OLFML2B: variants seen among roughly 807,000 people sequenced by gnomAD.
OLFML2B encodes olfactomedin like 2B, also known as olfactomedin-like protein 2B.
OLFML2B carries 57 observed loss-of-function variants against 74.9 expected under a neutral mutation model. The ratio of observed to expected loss-of-function variants is 0.76; its 90% confidence interval spans 0.61 to 0.95. OLFML2B has a LOEUF of 0.95. Ranked by LOEUF, OLFML2B falls within the 40% of genes least tolerant of loss-of-function variation. The pLI is 0.00. For synonymous variants in OLFML2B, 388 were observed against 405.8 expected, an observed-to-expected ratio of 0.96 and a Z score of 0.53; for missense variants, 986 against 970.6, an observed-to-expected ratio of 1.02 and a Z score of -0.21.
At chr1:162,006,611 G>C in intron 3 of OLFML2B, 138 bp from the exon 4 acceptor site, 1 of 688,946 alleles carries the variant, frequency 1.5e-6, no homozygotes, top group Non-Finnish European at 2.4e-6. Context: ...TGGGGCTAGA[G>C]AGTGTGCCCA....
intron 6 of OLFML2B, among the ~76,000 whole-genome samples, chr1:161,991,707 G>A (rs1445636974): frequency 6.6e-6 from 1 of 152,234 alleles, no homozygotes; most frequent in Non-Finnish European, 1.5e-5. Flanking sequence ...CTGCATTCCA[G>A]CCTTGGTGAC....
chr1:161,999,476 G>A (rs1227327340), intron 5 of OLFML2B, among the ~76,000 whole-genome samples: 3 of 152,198 alleles, frequency 2.0e-5, no homozygotes, highest in Admixed American at 1.3e-4. Flanking sequence ...GAGACAGACA[G>A]GAAGCTGCTG....
At chr1:162,022,260 T>TTTTTTTC (rs1553251582) in intron 1 of OLFML2B, among the ~76,000 whole-genome samples, 17 of 127,890 alleles carry the variant, frequency 1.3e-4, no homozygotes, top group African/African-American at 4.8e-4. Flanking sequence ...TTTTTTTTTT[T>TTTTTTTC]TTTTTTTTGA....
Position 162,006,468 on chromosome 1 carries a change from C to T in OLFML2B, c.552G>A (p.Val184=), listed in dbSNP as rs148759747. The T allele has an allele frequency of 3.1e-5, 47 of 1,520,558 alleles. No individual in the cohort carries two copies. In the African/African-American group the frequency reaches 4.0e-4, roughly 13 times the overall value. The allele number at this position is 1,520,558 out of a possible 1,614,324, so 94.2% of individuals were successfully genotyped here. The change falls in exon 4 of 8, where the codon GTG becomes GTA. Residue 184 remains valine (V), a synonymous_variant. Transcript: ENST00000294794. The part of the protein sequence containing the change: ...VGRVDKLEEE[V]SKNLTKENEQ... Reference sequence around the variant, plus strand: ...CATTTTCCTTGGTGAGGTTTTTAGACACTTCCTGAGAAGGAAAAAAAAAAG... The same window carrying T: ...CATTTTCCTTGGTGAGGTTTTTAGATACTTCCTGAGAAGGAAAAAAAAAAG...
intron 3 of OLFML2B, among the ~76,000 whole-genome samples, chr1:162,015,309 C>T (rs906727033): frequency 1.2e-4 from 19 of 152,176 alleles, no homozygotes; most frequent in African/African-American, 4.3e-4. Flanking sequence ...ATACTCCCTC[C>T]TGAGCAGGGA....
In OLFML2B at chr1:161,998,195, G is replaced by T. The variant is rs747898670; in HGVS notation, c.1104C>A (p.Thr368=). ...GTGGCAGTGCTGAGGACCAGGGTGC[G>T]GTCCGAGCGTTCAGGTCGCTTGTCA... ...TAVTSDLNAR[T]APWSSALPQP... The change falls in exon 6 of 8, where the codon ACC becomes ACA. Residue 368 remains threonine, a synonymous_variant. Transcript: ENST00000294794. 1.9e-6 allele frequency: 3 copies of T among 1,614,024 alleles called. No homozygotes were observed. The highest frequency in any genetic ancestry group is 1.7e-6 in the Non-Finnish European group (2 of 1,180,030).
Position 162,011,454 on chromosome 1 carries a change from C to G in OLFML2B, c.547-4981G>C, listed in dbSNP as rs1436568191. On this transcript the variant is annotated intron_variant, in intron 3 of 7. Transcript: ENST00000294794. Reference sequence around the variant, plus strand: ...ACCAGATGGCCTGGGACAGCAACCCCAGCTGACAGCTGTCTCCTAGCCCCT... The same window carrying G: ...ACCAGATGGCCTGGGACAGCAACCCGAGCTGACAGCTGTCTCCTAGCCCCT... Among the ~76,000 whole-genome samples the G allele has an allele frequency of 2.0e-5, 3 of 152,200 alleles. No homozygotes were observed. In the East Asian group the frequency reaches 5.8e-4, roughly 29 times the overall value.
In OLFML2B at chr1:162,019,994, G is replaced by C. The variant is rs750922795; in HGVS notation, c.363C>G (p.Pro121=). ...GSSCKCACVA[P]PSALNPCEGD... Reference sequence around the variant, plus strand: ...CCTCGCAGGGATTGAGGGCCGATGGGGGTGCTACACAGGCACACTTGCACG... The same window carrying C: ...CCTCGCAGGGATTGAGGGCCGATGGCGGTGCTACACAGGCACACTTGCACG... The change falls in exon 2 of 8, where the codon CCC becomes CCG. Residue 121 remains proline, a synonymous_variant. Transcript: ENST00000294794. 3 of 1,614,154 alleles carry C rather than the reference G, an allele frequency of 1.9e-6. No homozygotes were observed. Among genetic ancestry groups the C allele is most frequent in the East Asian group, 2.2e-5 (1 of 44,880 alleles).
chr1:161,985,895 C>T (rs1266822743), intron 6 of OLFML2B, among the ~76,000 whole-genome samples: 1 of 152,130 alleles, frequency 6.6e-6, no homozygotes, highest in Non-Finnish European at 1.5e-5. Context: ...GATCCGGTGC[C>T]CAGGAGAGGC....
chr1:162,004,629 C>A, intron 4 of OLFML2B, among the ~76,000 whole-genome samples: 1 of 152,158 alleles, frequency 6.6e-6, no homozygotes, highest in South Asian at 2.1e-4. Flanking sequence ...GCCTGCCTGG[C>A]ACCCTTTGAT....
intron 1 of OLFML2B, among the ~76,000 whole-genome samples, chr1:162,022,244 CTTTTTTT>C (rs56395023): frequency 1.4e-5 from 1 of 70,774 alleles, no homozygotes; most frequent in African/African-American, 5.9e-5. Context: ...TGTATCTCTT[CTTTTTTT>C]TTTTTTTTTT....
At chr1:162,010,846 G>T (rs1030918568) in intron 3 of OLFML2B, among the ~76,000 whole-genome samples, 3 of 152,052 alleles carry the variant, frequency 2.0e-5, no homozygotes, top group African/African-American at 7.2e-5. Flanking sequence ...ACCTCTCTAG[G>T]CCCCAGGCAG....
chr1:162,000,512 A>G (rs1013474245), intron 4 of OLFML2B, among the ~76,000 whole-genome samples, 174 bp from the exon 5 acceptor site: 6 of 152,180 alleles, frequency 3.9e-5, no homozygotes, highest in African/African-American at 1.2e-4. Flanking sequence ...TAATCTTCTC[A>G]TCAGTTCTAT....
chr1:161,997,945 C>A lies in OLFML2B; in HGVS notation c.1354G>T (p.Val452Leu). ...ALMEAMHTVPVPPTTVRTDSL... is the reference protein window; with the variant it reads ...ALMEAMHTVPLPPTTVRTDSL... Reference sequence around the variant, plus strand: ...TCTGTTCTGACTGTGGTGGGAGGCACTGGGACTGTGTGCATAGCTTCCATC... The same window carrying A: ...TCTGTTCTGACTGTGGTGGGAGGCAATGGGACTGTGTGCATAGCTTCCATC... Residue 452 changes from valine (V) to leucine (L), a missense_variant, in exon 6 of 8, where the codon GTG becomes TTG. Coordinates refer to ENST00000294794, the MANE Select transcript of OLFML2B (RefSeq NM_015441.3). The A allele has an allele frequency of 6.2e-7, 1 of 1,614,222 alleles. No homozygotes were observed. The highest frequency in any genetic ancestry group is 8.5e-7 in the Non-Finnish European group (1 of 1,180,042).
intron 4 of OLFML2B, 126 bp downstream of exon 4, chr1:162,006,171 T>A: frequency 1.2e-6 from 1 of 831,462 alleles, no homozygotes; most frequent in Non-Finnish European, 1.8e-6. Context: ...GCAGAACAAT[T>A]GTATGGATGA....
At chr1:161,987,676 A>G (rs1221035659) in intron 6 of OLFML2B, among the ~76,000 whole-genome samples, 6 of 152,204 alleles carry the variant, frequency 3.9e-5, no homozygotes, top group Non-Finnish European at 8.8e-5. Flanking sequence ...TTCTGTTTTT[A>G]GCAACTAAGC....
intron 1 of OLFML2B, among the ~76,000 whole-genome samples, chr1:162,020,523 T>C (rs1690674045): frequency 6.6e-6 from 1 of 151,396 alleles, no homozygotes; most frequent in Non-Finnish European, 1.5e-5. Flanking sequence ...CTTTTCTTTC[T>C]TTCTTTTTCT....
intron 1 of OLFML2B, among the ~76,000 whole-genome samples, chr1:162,022,751 T>C (rs752394480): frequency 3.3e-5 from 5 of 152,074 alleles, no homozygotes; most frequent in Non-Finnish European, 5.9e-5. Context: ...GTACACTCCG[T>C]CATGTTCTCA....
intron 2 of OLFML2B, 70 bp from the exon 3 acceptor site, chr1:162,017,577 T>G: frequency 4.4e-6 from 5 of 1,145,296 alleles, no homozygotes; most frequent in Admixed American, 2.4e-5. Context: ...TCCTTTCAGA[T>G]CTGCATACTG....
Sources: allele counts gnomAD v4.1 joint callset (sites outside exome capture counted in the v4.1 genomes callset), GRCh38; gene constraint gnomAD v4.1.1; transcripts MANE v1.5; gene names NCBI Gene and HGNC (gene_info 2026-07-23, HGNC 2026-07-21).